TEKT5: variants seen among roughly 807,000 people sequenced by gnomAD.
The protein encoded by TEKT5 is tektin-5.
TEKT5 carries 52 observed loss-of-function variants against 48.7 expected under a neutral mutation model. The ratio of observed to expected loss-of-function variants is 1.07; its 90% CI spans 0.86 to 1.35. The LOEUF (loss-of-function observed/expected upper bound fraction) is 1.35. TEKT5 is among the 40% of genes most tolerant of loss of function. The probability of loss-of-function intolerance (pLI) is 0.00; values close to 1 mark genes in which losing one functional copy is unlikely to be tolerated. For missense variants in TEKT5, 831 were observed against 641.6 expected (o/e 1.30, Z -3.19); for synonymous variants, 318 against 267.6 (o/e 1.19, Z -1.84).
At chr16:10,666,256 A>C (rs568879994) in intron 5 of TEKT5, among the ~76,000 whole-genome samples, 2 of 152,274 alleles carry the variant, frequency 1.3e-5, no homozygotes, top group South Asian at 2.1e-4. Context: ...CTGTTCAGGC[A>C]ACAGTTCATG....
At chr16:10,631,596 T>C (rs1450212713) in intron 6 of TEKT5, among the ~76,000 whole-genome samples, 1 of 151,920 alleles carries the variant, frequency 6.6e-6, no homozygotes, top group African/African-American at 2.4e-5. Context: ...TGTAATGAAG[T>C]TTAGGATCTT....
chr16:10,665,653 C>T (rs561601672), intron 5 of TEKT5, among the ~76,000 whole-genome samples: 4 of 152,310 alleles, frequency 2.6e-5, no homozygotes, highest in East Asian at 1.9e-4. Context: ...GACCAGCCCA[C>T]CTTTTGGCAC....
At chr16:10,693,619 A>T (rs1322659815) in intron 1 of TEKT5, among the ~76,000 whole-genome samples, 2 of 152,240 alleles carry the variant, frequency 1.3e-5, no homozygotes. Flanking sequence ...ACCTTGATGG[A>T]GACTATACTG....
Position 10,676,126 on chromosome 16 carries a change from G to C in TEKT5, c.919C>G (p.Gln307Glu), listed in dbSNP as rs947689592. Residue 307 changes from glutamine (Q) to glutamate (E), a missense_variant, in exon 5 of 7, where the codon CAG (glutamine) becomes GAG (glutamate). Coordinates refer to ENST00000283025, the MANE Select transcript of TEKT5 (RefSeq NM_144674.2). The part of the protein sequence containing the change: ...KFSNDNIKHS[Q>E]NMRANSIQLR... The stretch of plus-strand genomic sequence containing the variant: ...TGGATGGAGTTGGCCCGCATGTTCT[G>C]AGAGTGTTTGATGTTGTCGTTACTG... 2.5e-6 allele frequency: 4 copies of C among 1,614,234 alleles called. No homozygotes were observed. Among genetic ancestry groups the C allele is most frequent in the African/African-American group, 1.3e-5 (1 of 75,060 alleles).
chr16:10,690,685 C>T (rs2142316732), intron 1 of TEKT5: 4 of 985,420 alleles, frequency 4.1e-6, no homozygotes, highest in African/African-American at 1.7e-5. Flanking sequence ...GCCACCTAGC[C>T]CTGGGCCTTA....
chr16:10,651,649 T>C (rs1271957458), intron 5 of TEKT5, among the ~76,000 whole-genome samples: 2 of 152,172 alleles, frequency 1.3e-5, no homozygotes, highest in East Asian at 1.9e-4. Context: ...ATATACACCA[T>C]GGAGTGTGCG....
intron 3 of TEKT5, among the ~76,000 whole-genome samples, chr16:10,684,890 C>T (rs74486697): frequency 2.0e-5 from 3 of 152,188 alleles, no homozygotes; most frequent in Non-Finnish European, 1.5e-5. Flanking sequence ...CCCACCCTGC[C>T]CAGATGCGGG....
At chr16:10,657,891 C>T (rs938042850) in intron 5 of TEKT5, among the ~76,000 whole-genome samples, 3 of 151,752 alleles carry the variant, frequency 2.0e-5, no homozygotes, top group Non-Finnish European at 2.9e-5. Context: ...TGAACCACTG[C>T]GCCCGGCCTC....
chr16:10,662,121 G>T (rs1368579951), intron 5 of TEKT5, among the ~76,000 whole-genome samples: 1 of 152,150 alleles, frequency 6.6e-6, no homozygotes, highest in Admixed American at 6.5e-5. Context: ...TCTCCATGGT[G>T]GGGGGTAGGG....
At chr16:10,692,380 G>A (rs1596424515) in intron 1 of TEKT5, among the ~76,000 whole-genome samples, 1 of 152,230 alleles carries the variant, frequency 6.6e-6, no homozygotes, top group South Asian at 2.1e-4. Flanking sequence ...ATGTCTCCCA[G>A]GGAGATCCGG....
chr16:10,644,514 T>C (rs974693570), intron 5 of TEKT5, among the ~76,000 whole-genome samples: 3 of 152,174 alleles, frequency 2.0e-5, no homozygotes. Context: ...AGAAAGAGCT[T>C]CCCTGTCTAC....
intron 5 of TEKT5, among the ~76,000 whole-genome samples, chr16:10,639,834 G>A (rs914188312): frequency 4.6e-5 from 7 of 152,104 alleles, no homozygotes; most frequent in African/African-American, 1.2e-4. Context: ...TCCTGGGGAG[G>A]GTCCAGGCCC....
At chr16:10,672,763 A>G (rs1292353404) in intron 5 of TEKT5, among the ~76,000 whole-genome samples, 1 of 152,188 alleles carries the variant, frequency 6.6e-6, no homozygotes, top group Non-Finnish European at 1.5e-5. Context: ...CACTAGCACA[A>G]ACATGGTGCC....
In TEKT5 at chr16:10,694,377, T is replaced by C. The variant is rs1400294953; in HGVS notation, c.497A>G (p.Asn166Ser). ...SYELDRLLTE[N>S]QNLETVKRRL... ...CCTCTTGACCGTCTCCAAGTTCTGGTTCTCAGTCAGAAGCCTGTCCAGCTC... is the reference window on the plus strand; with the variant it reads ...CCTCTTGACCGTCTCCAAGTTCTGGCTCTCAGTCAGAAGCCTGTCCAGCTC... The change falls in exon 1 of 7, where the codon AAC (asparagine) becomes AGC (serine). Residue 166 changes from asparagine (N) to serine (S), a missense_variant. Coordinates refer to ENST00000283025, the MANE Select transcript of TEKT5 (RefSeq NM_144674.2). The C allele has an allele frequency of 1.9e-6, 3 of 1,613,884 alleles. No homozygotes were observed. The Admixed American group carries it at 5.0e-5, about 27-fold the overall frequency.
intron 5 of TEKT5, among the ~76,000 whole-genome samples, chr16:10,659,691 G>A (rs964536740): frequency 1.3e-5 from 2 of 152,150 alleles, no homozygotes; most frequent in African/African-American, 2.4e-5. Context: ...TTTTAATAAG[G>A]CAACCGCAGA....
At chr16:10,661,120 G>A (rs944164490) in intron 5 of TEKT5, among the ~76,000 whole-genome samples, 1 of 152,158 alleles carries the variant, frequency 6.6e-6, no homozygotes, top group Non-Finnish European at 1.5e-5. Context: ...AGCAGCTGCA[G>A]ACAACATGAA....
At chr16:10,654,036 G>C (rs566443787) in intron 5 of TEKT5, among the ~76,000 whole-genome samples, 1 of 145,102 alleles carries the variant, frequency 6.9e-6, no homozygotes, top group Non-Finnish European at 1.5e-5. Context: ...GTGTGCACAT[G>C]TGTGTGTGTG....
intron 3 of TEKT5, among the ~76,000 whole-genome samples, chr16:10,687,012 C>T (rs1211600972): frequency 2.0e-5 from 3 of 152,110 alleles, no homozygotes; most frequent in Non-Finnish European, 4.4e-5. Context: ...CATGATCACA[C>T]ATGTATGTGG....
chr16:10,664,100 C>T (rs1008128012), intron 5 of TEKT5, among the ~76,000 whole-genome samples: 3 of 152,194 alleles, frequency 2.0e-5, no homozygotes, highest in Non-Finnish European at 2.9e-5. Context: ...CTTCTTAACA[C>T]TTATTACCAC....
Sources: allele counts gnomAD v4.1 joint callset (sites outside exome capture counted in the v4.1 genomes callset), GRCh38; gene constraint gnomAD v4.1.1; transcripts MANE v1.5; gene names NCBI Gene and HGNC (gene_info 2026-07-23, HGNC 2026-07-21).